MAP2K5: variants seen among roughly 807,000 people sequenced by gnomAD.
MAP2K5 encodes the protein mitogen-activated protein kinase kinase 5, also known as dual specificity mitogen-activated protein kinase kinase 5.
MAP2K5 carries 49 observed loss-of-function variants against 83.1 expected under a neutral mutation model. The observed-to-expected ratio is 0.59, with a 90% CI of 0.47 to 0.75. MAP2K5 has a LOEUF of 0.75. Ranked by LOEUF, MAP2K5 falls within the 30% of genes least tolerant of loss-of-function variation. MAP2K5 has a pLI of 0.00. For missense variants in MAP2K5, 457 were observed against 557.5 expected, an observed-to-expected ratio of 0.82 and a Z score of 1.82; for synonymous variants, 202 against 191.8, an observed-to-expected ratio of 1.05 and a Z score of -0.44.
At chr15:67,743,683 C>T (rs2089542546) in intron 17 of MAP2K5, among the ~76,000 whole-genome samples, 1 of 152,044 alleles carries the variant, frequency 6.6e-6, no homozygotes, top group Non-Finnish European at 1.5e-5. Flanking sequence ...TTTGTTTTTG[C>T]AAGTTATAAT....
Position 67,781,413 on chromosome 15 carries a change from G to T in MAP2K5, c.1242+8661G>T, listed in dbSNP as rs572860040. ...TGGGGATTGTGAGTCTTGTGGTTTC[G>T]GATACAGAGTTATTTGGGGGGCCAA... is the stretch of plus-strand genomic sequence containing the variant. On this transcript the variant is annotated intron_variant, in intron 21 of 21. Transcript: ENST00000178640. This position sits in a 1 kb window ranked among gnomAD's most constrained non-coding sequence, Gnocchi z 4.0. Among the ~76,000 whole-genome samples the T allele has an allele frequency of 1.3e-5, 2 of 152,096 alleles. No homozygotes were observed. Among genetic ancestry groups the T allele is most frequent in the South Asian group, 2.1e-4 (1 of 4,820 alleles).
chr15:67,678,054 C>T (rs997960344), intron 13 of MAP2K5, among the ~76,000 whole-genome samples: 3 of 152,152 alleles, frequency 2.0e-5, no homozygotes, highest in African/African-American at 7.2e-5. Context: ...ATGTGGTTTT[C>T]TCTTAAGTAT....
intron 2 of MAP2K5, among the ~76,000 whole-genome samples, chr15:67,556,498 G>A (rs572136119): frequency 2.0e-5 from 3 of 151,390 alleles, no homozygotes; most frequent in Non-Finnish European, 4.4e-5. Flanking sequence ...TTTATAAAAA[G>A]CATGTATTTT....
intron 15 of MAP2K5, among the ~76,000 whole-genome samples, chr15:67,699,794 A>G (rs1209293692): frequency 6.6e-6 from 1 of 152,176 alleles, no homozygotes; most frequent in Non-Finnish European, 1.5e-5. Flanking sequence ...GTAGATTTTT[A>G]AAGTCCTAAA....
chr15:67,803,103 G>A (rs529614973), intron 21 of MAP2K5, among the ~76,000 whole-genome samples: 4 of 152,352 alleles, frequency 2.6e-5, no homozygotes, highest in Non-Finnish European at 2.9e-5. Flanking sequence ...AGTGAGCATG[G>A]GAGCCAGTGG....
chr15:67,641,730 T>A (rs2086714726), intron 9 of MAP2K5: 2 of 544,114 alleles, frequency 3.7e-6, no homozygotes, highest in Non-Finnish European at 4.7e-6. Context: ...GTTTGAAACA[T>A]TTAGCACTTC....
Position 67,637,972 on chromosome 15 carries a change from A to G in MAP2K5, c.585+7045A>G, listed in dbSNP as rs1178200842. Among the ~76,000 whole-genome samples, 2 of 147,554 alleles carry G rather than the reference A, an allele frequency of 1.4e-5. No homozygotes were observed. Among genetic ancestry groups the G allele is most frequent in the Non-Finnish European group, 3.0e-5 (2 of 66,106 alleles). ...CCTCTTCCTTTCTTTTTTTTAATTT[A>G]ACTTTTAACTTTTTTAACTTTTAAT... On this transcript the variant is annotated intron_variant, in intron 9 of 21. Transcript: ENST00000178640. This position sits in a 1 kb window ranked among gnomAD's most constrained non-coding sequence, Gnocchi z 4.5.
At chr15:67,679,908 A>G (rs1189302992) in intron 13 of MAP2K5, 1 of 152,182 alleles carries the variant, frequency 6.6e-6, no homozygotes, top group African/African-American at 2.4e-5. Flanking sequence ...GTGCAACCAT[A>G]ACCATAATCC....
intron 11 of MAP2K5, among the ~76,000 whole-genome samples, chr15:67,654,172 G>T (rs1401804904): frequency 6.6e-6 from 1 of 151,996 alleles, no homozygotes; most frequent in East Asian, 1.9e-4. Context: ...TCTCCTTTCA[G>T]TTCTTTCAGT....
In MAP2K5 at chr15:67,793,596, A is replaced by G. The variant is rs977374744; in HGVS notation, c.1243-13050A>G. Among the ~76,000 whole-genome samples the G allele has an allele frequency of 1.3e-5, 2 of 152,204 alleles. No individual in the cohort carries two copies. Among genetic ancestry groups the G allele is most frequent in the Non-Finnish European group, 2.9e-5 (2 of 68,018 alleles). On this transcript the variant is annotated intron_variant, in intron 21 of 21. Transcript: ENST00000178640. This position sits in a 1 kb window ranked among gnomAD's most constrained non-coding sequence, Gnocchi z 4.6. ...AATACAAGAAAGCTGGCTTAAGGAA[A>G]AGCTTGAGGCACTACCTAAAATTAA...
intron 8 of MAP2K5, chr15:67,629,192 G>A: frequency 1.5e-6 from 1 of 666,566 alleles, no homozygotes. Context: ...TGACGGGGAA[G>A]CTACAGGTTA....
chr15:67,660,217 G>A (rs1188882177), intron 12 of MAP2K5, among the ~76,000 whole-genome samples: 3 of 152,006 alleles, frequency 2.0e-5, no homozygotes, highest in Admixed American at 6.6e-5. Context: ...TGTCTGCCAC[G>A]GAAATGATCA....
chr15:67,646,600 T>G, intron 11 of MAP2K5, 131 bp downstream of exon 11: 2 of 502,832 alleles, frequency 4.0e-6, no homozygotes, highest in South Asian at 7.9e-5. Context: ...TCATTTATAC[T>G]CTAAGATTAT....
rs74994179 is a variant in MAP2K5, at chr15:67,627,554, A to G, written c.546-3334A>G. ...ATAAGTATATACATATGCTTTATAT[A>G]TGTAGTTTCCTAGTCTTGCCTGAAT... On this transcript the variant is annotated intron_variant, in intron 8 of 21. Transcript: ENST00000178640. 1.2e-4 allele frequency among the ~76,000 whole-genome samples: 19 copies of G among 152,338 alleles called. No individual in the cohort carries two copies. The East Asian group carries it at 3.7e-3, about 29-fold the overall frequency.
At chr15:67,585,076 CAAAAAAAAA>C (rs59012209) in intron 4 of MAP2K5, among the ~76,000 whole-genome samples, 1 of 122,180 alleles carries the variant, frequency 8.2e-6, no homozygotes, top group Non-Finnish European at 1.7e-5. Flanking sequence ...GAGAGAGGAG[CAAAAAAAAA>C]AAAAAAAAAA....
At chr15:67,585,731 CCT>C (rs937593838) in intron 4 of MAP2K5, 157 bp from the exon 5 acceptor site, 1 of 614,604 alleles carries the variant, frequency 1.6e-6, no homozygotes, top group African/African-American at 1.8e-5. Context: ...AAGTTAAAAC[CCT>C]GGTTCATAAT....
rs3784704 is a variant in MAP2K5, at chr15:67,736,651, T to C, written c.1074+8706T>C. 0.11 allele frequency among the ~76,000 whole-genome samples: 16,402 copies of C among 152,234 alleles called. 980 individuals carry two copies. The highest frequency in any genetic ancestry group is 0.11 in the Admixed American group (1,726 of 15,298). On this transcript the variant is annotated intron_variant, in intron 17 of 21. Coordinates refer to ENST00000178640, the MANE Select transcript of MAP2K5 (RefSeq NM_145160.3). The surrounding 1 kb of genome is among the most constrained non-coding windows in gnomAD (Gnocchi z 4.3). ...AATCACCATATAATATATAGAATTATATACAGAATCTCGTCATTTTTAGTT... is the reference window on the plus strand; with the variant it reads ...AATCACCATATAATATATAGAATTACATACAGAATCTCGTCATTTTTAGTT...
At chr15:67,603,612 T>C (rs950361000) in intron 8 of MAP2K5, among the ~76,000 whole-genome samples, 1 of 152,204 alleles carries the variant, frequency 6.6e-6, no homozygotes, top group African/African-American at 2.4e-5. Context: ...TCATTGATCA[T>C]TGGGCATCAT....
At chr15:67,601,771 T>C (rs979785488) in intron 8 of MAP2K5, among the ~76,000 whole-genome samples, 4 of 152,226 alleles carry the variant, frequency 2.6e-5, no homozygotes, top group African/African-American at 9.6e-5. Flanking sequence ...CCCCTACTCA[T>C]TGATGCAGCC....
Sources: gnomAD v4.1 joint callset for allele counts (sites outside exome capture counted in the v4.1 genomes callset) on GRCh38, gnomAD v4.1.1 for gene constraint, Gnocchi (gnomAD v3.1) non-coding constraint, MANE v1.5 for transcripts, NCBI Gene and HGNC (gene_info 2026-07-23, HGNC 2026-07-21) for gene names.